NBPF19: variants seen among roughly 807,000 people sequenced by gnomAD.
NBPF19 encodes NBPF family member NBPF19.
A neutral mutation model predicts 45.9 loss-of-function variants in NBPF19; 30 were observed. That is an observed-to-expected ratio of 0.65 (90% CI 0.49 to 0.89). NBPF19 has a LOEUF of 0.89. NBPF19 is among the 40% of genes least tolerant of loss of function. NBPF19 has a pLI of 0.00. For synonymous variants in NBPF19, 183 were observed against 181.2 expected (o/e 1.01, Z -0.08); for missense variants, 495 against 471.8 (o/e 1.05, Z -0.46).
chr1:149,528,945 C>T (rs1385181741), intron 61 of NBPF19, among the ~76,000 whole-genome samples: 1 of 109,084 alleles, frequency 9.2e-6, no homozygotes, highest in East Asian at 3.0e-4. Flanking sequence ...TTCTCTCTCT[C>T]TGTGTGTGTG....
chr1:149,538,390 A>C (rs1452141870), intron 73 of NBPF19, among the ~76,000 whole-genome samples: 1 of 12,708 alleles, frequency 7.9e-5, no homozygotes, highest in African/African-American at 2.2e-4. Context: ...CTCCCTCATC[A>C]GTGTGTCACC....
chr1:149,486,309 T>A lies in NBPF19; in HGVS notation c.988+16T>A, dbSNP rs2085492417. 1 of 600,724 alleles carries A rather than the reference T, an allele frequency of 1.7e-6. No homozygotes were observed. The highest frequency in any genetic ancestry group is 2.8e-5 in the East Asian group (1 of 35,826). 37.2% of individuals were successfully genotyped at this position (600,724 alleles called of 1,614,324 possible). A position where few individuals can be genotyped will look rare whatever the true frequency, so the allele number is the denominator to read the frequency against. ...GACATAGGCAGTGAGTACTCCATTG[T>A]GAAGGTGATAAAGCTCCAGTTCATG... On this transcript the variant is annotated intron_variant, in intron 8 of 93. Coordinates refer to ENST00000651566, the MANE Select transcript of NBPF19 (RefSeq NM_001351365.2).
At position 149,487,775 on chromosome 1, in the gene NBPF19, C is replaced by CTGTGTG. The variant is rs1219803937; in HGVS notation, c.1041-194_1041-189dup. Among the ~76,000 whole-genome samples the CTGTGTG allele has an allele frequency of 7.9e-3, 1,014 of 128,706 alleles. 10 individuals are homozygous for CTGTGTG. The highest frequency in any genetic ancestry group is 0.02 in the African/African-American group (661 of 33,718). 84.4% of individuals were successfully genotyped at this position (128,706 alleles called of 152,430 possible). ...ACCTGACCAATTGACTGAGCTCGCT[C>CTGTGTG]TGTGTGTGTGTGTGTGTGTGTGTGT... is the stretch of plus-strand genomic sequence containing the variant. On this transcript the variant is annotated intron_variant, in intron 9 of 93. Coordinates refer to ENST00000651566, the MANE Select transcript of NBPF19 (RefSeq NM_001351365.2).
chr1:149,483,639 A>T (rs1278524380), intron 7 of NBPF19, among the ~76,000 whole-genome samples: 1 of 148,602 alleles, frequency 6.7e-6, no homozygotes, highest in Non-Finnish European at 1.5e-5. Context: ...TGGTCTTTAC[A>T]GTTTGGCATG....
In NBPF19 at chr1:149,509,932, CTGTGTGTGTGTGTGTGTGTGTGTGCG is replaced by C. The variant is rs2086189574; in HGVS notation, c.4419-223_4419-198del. On this transcript the variant is annotated intron_variant, in intron 37 of 93. Coordinates refer to ENST00000651566, the MANE Select transcript of NBPF19 (RefSeq NM_001351365.2). ...CTGAGCTCGTTCTCTCTCTCTCTCT[CTGTGTGTGTGTGTGTGTGTGTGTGCG>C]TGTGTGTGTGTGTGTGTGTGTGTCC... Among the ~76,000 whole-genome samples the C allele has an allele frequency of 9.2e-4, 5 of 5,456 alleles. No individual in the cohort carries two copies. In the African/African-American group the frequency reaches 0.011, roughly 12 times the overall value. The allele number at this position is 5,456 out of a possible 152,430, so 3.6% of individuals were successfully genotyped here.
chr1:149,554,462 T>C lies in NBPF19; in HGVS notation c.11289-33T>C, dbSNP rs1187088169. 8.1e-6 allele frequency: 13 copies of C among 1,608,092 alleles called. No individual in the cohort carries two copies. The African/African-American group carries it at 9.4e-5, about 12-fold the overall frequency. On this transcript the variant is annotated intron_variant, in intron 93 of 93. Transcript: ENST00000651566. ...GGGCTCTGTGGTGTCTGATTTTCCC[T>C]GGCTGCTTCTTTAGTTTTGTCTCCT...
At chr1:149,487,785 G>C (rs1299981066) in intron 9 of NBPF19, among the ~76,000 whole-genome samples, 34 of 142,706 alleles carry the variant, frequency 2.4e-4, no homozygotes, top group African/African-American at 8.9e-4. Context: ...CTGTGTGTGT[G>C]TGTGTGTGTG....
chr1:149,482,477 C>CA (rs1317414617), intron 7 of NBPF19, among the ~76,000 whole-genome samples: 5 of 150,160 alleles, frequency 3.3e-5, no homozygotes, highest in South Asian at 2.1e-4. Context: ...TTGATCTTTT[C>CA]AAAAAACCAG....
At chr1:149,554,213 T>A (rs1382846830) in intron 93 of NBPF19, among the ~76,000 whole-genome samples, 2 of 150,906 alleles carry the variant, frequency 1.3e-5, no homozygotes, top group Non-Finnish European at 3.0e-5. Context: ...TAACTCAGAG[T>A]GTCCTTTTAC....
At chr1:149,478,078 G>C in intron 3 of NBPF19, 31 bp downstream of exon 3, 1 of 1,538,424 alleles carries the variant, frequency 6.5e-7, no homozygotes, top group South Asian at 1.1e-5. Flanking sequence ...GAGGGCAGGC[G>C]GGTAGGTGTG....
Position 149,479,207 on chromosome 1 carries a change from A to G in NBPF19, c.493+113A>G, listed in dbSNP as rs2085020509. On this transcript the variant is annotated intron_variant, in intron 4 of 93. Transcript: ENST00000651566. ...AGTGGGGTTTTTTTCTACTACACCTATGTGGCCATGACATGATCAGGACTT... is the reference window on the plus strand; with the variant it reads ...AGTGGGGTTTTTTTCTACTACACCTGTGTGGCCATGACATGATCAGGACTT... 5 of 1,451,438 alleles carry G rather than the reference A, an allele frequency of 3.4e-6. 1 individual carries two copies. Among genetic ancestry groups the G allele is most frequent in the African/African-American group, 1.4e-5 (1 of 71,278 alleles). The allele number at this position is 1,451,438 out of a possible 1,614,324, so 89.9% of individuals were successfully genotyped here.
chr1:149,487,040 C>A (rs1296470899), intron 8 of NBPF19, among the ~76,000 whole-genome samples: 1 of 150,634 alleles, frequency 6.6e-6, no homozygotes, highest in East Asian at 1.9e-4. Flanking sequence ...GGTGTTAGAA[C>A]TATTTGCCTA....
intron 7 of NBPF19, among the ~76,000 whole-genome samples, chr1:149,483,706 G>A (rs2085344622): frequency 9.0e-6 from 1 of 111,314 alleles, no homozygotes; most frequent in Admixed American, 9.7e-5. Flanking sequence ...TCCTTTAGGA[G>A]CTCTTGTAAG....
chr1:149,482,821 C>T (rs1265895466), intron 7 of NBPF19, among the ~76,000 whole-genome samples: 4 of 144,464 alleles, frequency 2.8e-5, no homozygotes, highest in African/African-American at 7.7e-5. Flanking sequence ...GCAGGTTGTT[C>T]AGTTTCCATG....
At chr1:149,477,275 A>G (rs1464835792) in intron 2 of NBPF19, among the ~76,000 whole-genome samples, 7 of 150,602 alleles carry the variant, frequency 4.6e-5, no homozygotes, top group Admixed American at 2.0e-4. Context: ...TGGAAACACT[A>G]TCTATTAGTT....
intron 10 of NBPF19, among the ~76,000 whole-genome samples, chr1:149,488,483 T>C (rs2085768779): frequency 8.2e-6 from 1 of 121,620 alleles, no homozygotes; most frequent in Non-Finnish European, 1.7e-5. Context: ...TGTCTCAATT[T>C]TGTAGATCTT....
intron 2 of NBPF19, among the ~76,000 whole-genome samples, chr1:149,477,554 T>A (rs1300014551): frequency 6.6e-6 from 1 of 151,256 alleles, no homozygotes; most frequent in Admixed American, 6.6e-5. Context: ...AGTCCCATAG[T>A]CCTAGGGGCC....
In NBPF19 at chr1:149,554,835, A is replaced by C. The variant is rs1429965630; in HGVS notation, c.*97A>C. 6.3e-7 allele frequency: 1 copy of C among 1,584,178 alleles called. No homozygotes were observed. Among genetic ancestry groups the C allele is most frequent in the Non-Finnish European group, 8.6e-7 (1 of 1,159,964 alleles). ...ACTACAGTTCCATTTGGAAGCCCAG[A>C]CATAGGATGGGTCAGTGGGCATGGC... On this transcript the variant is annotated 3_prime_UTR_variant, in exon 94 of 94. Coordinates refer to ENST00000651566, the MANE Select transcript of NBPF19 (RefSeq NM_001351365.2).
intron 93 of NBPF19, 144 bp downstream of exon 93, chr1:149,554,026 T>C: frequency 3.3e-6 from 1 of 307,656 alleles, no homozygotes; most frequent in Non-Finnish European, 5.8e-6. Context: ...TTCATTGCAG[T>C]AGATGTTTAG....
Sources: allele counts gnomAD v4.1 joint callset (sites outside exome capture counted in the v4.1 genomes callset), GRCh38; gene constraint gnomAD v4.1.1; transcripts MANE v1.5; gene names NCBI Gene and HGNC (gene_info 2026-07-23, HGNC 2026-07-21).